Variants in WDFY2 observed in about 807,000 individuals in gnomAD.
WDFY2 encodes WD repeat and FYVE domain-containing protein 2.
Under a neutral mutation model 56.4 loss-of-function variants are expected in WDFY2, and 36 were observed. The ratio of observed to expected loss-of-function variants is 0.64; its 90% confidence interval spans 0.49 to 0.84. WDFY2 has a LOEUF of 0.84. WDFY2 is among the 40% of genes least tolerant of loss of function. WDFY2 has a pLI of 0.00. For missense variants in WDFY2, 444 were observed against 512.2 expected (o/e 0.87, Z 1.29); for synonymous variants, 176 against 183.7 (o/e 0.96, Z 0.34).
chr13:51,675,356 T>A, intron 3 of WDFY2, 113 bp downstream of exon 3: 1 of 982,102 alleles, frequency 1.0e-6, no homozygotes, highest in Non-Finnish European at 1.5e-6. Context: ...CTAAGTAGAA[T>A]GAAAATTGCA....
chr13:51,739,230 C>T lies in WDFY2; in HGVS notation c.725+55C>T, dbSNP rs117010351. Reference sequence around the variant, plus strand: ...CTGAGAAAAGATTCTCAGCTGACAGCTAGAACAAAGGAGTGCAGCCCAGTC... The same window carrying T: ...CTGAGAAAAGATTCTCAGCTGACAGTTAGAACAAAGGAGTGCAGCCCAGTC... On this transcript the variant is annotated intron_variant, in intron 7 of 11. Coordinates refer to ENST00000298125, the MANE Select transcript of WDFY2 (RefSeq NM_052950.4). The T allele has an allele frequency of 3.5e-3, 5,314 of 1,522,868 alleles. 52 individuals carry two copies. The Admixed American group carries it at 0.036, about 10-fold the overall frequency. The allele number at this position is 1,522,868 out of a possible 1,614,324, so 94.3% of individuals were successfully genotyped here.
At chr13:51,592,322 C>T (rs1316269771) in intron 1 of WDFY2, 1 of 152,098 alleles carries the variant, frequency 6.6e-6, no homozygotes, top group Non-Finnish European at 1.5e-5. Flanking sequence ...CGCCTGTAAT[C>T]CCAGCACTTT....
chr13:51,696,890 T>G (rs1031920901), intron 3 of WDFY2, among the ~76,000 whole-genome samples: 1 of 152,174 alleles, frequency 6.6e-6, no homozygotes, highest in Non-Finnish European at 1.5e-5. Context: ...TTAAATACAG[T>G]TTTTTAAAAG....
chr13:51,678,830 A>G (rs1488881992), intron 3 of WDFY2, among the ~76,000 whole-genome samples: 2 of 152,210 alleles, frequency 1.3e-5, no homozygotes, highest in Non-Finnish European at 2.9e-5. Context: ...AAGTACCGGT[A>G]CACCAATGAG....
intron 1 of WDFY2, among the ~76,000 whole-genome samples, chr13:51,642,402 C>A (rs1490190857): frequency 2.0e-5 from 3 of 151,986 alleles, no homozygotes; most frequent in African/African-American, 7.2e-5. Context: ...ATCCTCCCAC[C>A]CCAGCCTCCA....
At position 51,660,613 on chromosome 13, in the gene WDFY2, TAAAG is replaced by T. The variant is rs745934391; in HGVS notation, c.157_160del (p.Lys53GlufsTer32). ...TGTTGTAGGACAGTTCGTGTTTGGT[TAAAG>T]AGAGACAGTGGACAGTATTGGCCAA... On this transcript the variant is annotated frameshift_variant, in exon 2 of 12. Transcript: ENST00000298125. LOFTEE classifies it high-confidence loss of function. 1.2e-5 allele frequency: 20 copies of T among 1,613,860 alleles called. No homozygotes were observed. The South Asian group carries it at 2.2e-4, about 18-fold the overall frequency.
At position 51,584,639 on chromosome 13, in the gene WDFY2, G is replaced by A. The variant is rs540108401; in HGVS notation, c.-49G>A. ...GTGCTCCAGCAGTCTCCTCAGCCCGGCCCCGCGGCGCGGTTGGCGGCGGCG... is the reference window on the plus strand; with the variant it reads ...GTGCTCCAGCAGTCTCCTCAGCCCGACCCCGCGGCGCGGTTGGCGGCGGCG... On this transcript the variant is annotated 5_prime_UTR_variant, in exon 1 of 12. Coordinates refer to ENST00000298125, the MANE Select transcript of WDFY2 (RefSeq NM_052950.4). The A allele has an allele frequency of 1.1e-5, 18 of 1,580,132 alleles. No homozygotes were observed. In the African/African-American group the frequency reaches 2.3e-4, roughly 20 times the overall value.
At chr13:51,726,270 A>G (rs1240972468) in intron 5 of WDFY2, among the ~76,000 whole-genome samples, 1 of 152,222 alleles carries the variant, frequency 6.6e-6, no homozygotes, top group Non-Finnish European at 1.5e-5. Context: ...GTGTCTGTGT[A>G]TAAAGATCTC....
intron 1 of WDFY2, among the ~76,000 whole-genome samples, chr13:51,632,165 TC>T (rs1287767942): frequency 1.3e-5 from 2 of 152,140 alleles, no homozygotes; most frequent in Non-Finnish European, 2.9e-5. Context: ...AACCCAGTGT[TC>T]ATCTCATTCA....
chr13:51,697,231 A>G (rs776077857), intron 3 of WDFY2, among the ~76,000 whole-genome samples: 6 of 152,234 alleles, frequency 3.9e-5, no homozygotes, highest in Non-Finnish European at 7.3e-5. Flanking sequence ...CCTTTATGTC[A>G]ATAGTTTTGT....
At chr13:51,633,349 A>C (rs1453308001) in intron 1 of WDFY2, among the ~76,000 whole-genome samples, 1 of 152,198 alleles carries the variant, frequency 6.6e-6, no homozygotes, top group East Asian at 1.9e-4. Flanking sequence ...TTTGTGTTCC[A>C]ATCTTGGTTG....
At chr13:51,718,567 C>CAT (rs1450477095) in intron 4 of WDFY2, among the ~76,000 whole-genome samples, 1 of 143,730 alleles carries the variant, frequency 7.0e-6, no homozygotes, top group Non-Finnish European at 1.5e-5. Flanking sequence ...CATACACACA[C>CAT]ACACACACAC....
At chr13:51,710,496 T>C (rs1344849982) in intron 4 of WDFY2, among the ~76,000 whole-genome samples, 5 of 152,146 alleles carry the variant, frequency 3.3e-5, no homozygotes, top group Admixed American at 6.6e-5. Context: ...GGAAGTCAAA[T>C]TGTCTGTGTT....
At chr13:51,750,405 T>G (rs1004504052) in intron 7 of WDFY2, among the ~76,000 whole-genome samples, 2 of 152,154 alleles carry the variant, frequency 1.3e-5, no homozygotes, top group African/African-American at 2.4e-5. Context: ...AGCTTTAGTT[T>G]TTCAACTTCA....
At chr13:51,596,074 A>G (rs958420597) in intron 1 of WDFY2, among the ~76,000 whole-genome samples, 5 of 152,224 alleles carry the variant, frequency 3.3e-5, no homozygotes, top group African/African-American at 1.2e-4. Flanking sequence ...TTGCTGTTAG[A>G]ATCTCAGTAA....
intron 1 of WDFY2, among the ~76,000 whole-genome samples, chr13:51,632,130 T>TG (rs1181097004): frequency 6.6e-6 from 1 of 152,148 alleles, no homozygotes; most frequent in Non-Finnish European, 1.5e-5. Flanking sequence ...CCATTGTCTT[T>TG]TAACACTTAG....
chr13:51,758,316 A>ACC lies in WDFY2; in HGVS notation c.1173+16_1173+17insCC. 6.4e-7 allele frequency: 1 copy of ACC among 1,552,660 alleles called. No individual in the cohort carries two copies. The highest frequency in any genetic ancestry group is 8.8e-7 in the Non-Finnish European group (1 of 1,130,482). On this transcript the variant is annotated intron_variant, in intron 11 of 11. Coordinates refer to ENST00000298125, the MANE Select transcript of WDFY2 (RefSeq NM_052950.4). Reference sequence around the variant, plus strand: ...GGTTATTAAGGTAAGATGCCATCTTATTAAGAAGCTTTCCATCTTTGGCCT... The same window carrying ACC: ...GGTTATTAAGGTAAGATGCCATCTTACCTTAAGAAGCTTTCCATCTTTGGCCT...
rs1952635214 is a variant in WDFY2, at chr13:51,727,714, C to T, written c.522C>T (p.Asp174=). The change falls in exon 6 of 12, where the codon GAC becomes GAT. Residue 174 remains aspartate (D), a synonymous_variant. Transcript: ENST00000298125. ...DVETRHVFIG[D]HSGQVTILKL... is the part of the protein sequence containing the mutation. ...AAACCCGGCATGTGTTTATCGGTGA[C>T]CACTCAGGCCAAGTAACAATCCTCA... 6.2e-7 allele frequency: 1 copy of T among 1,614,046 alleles called. No individual in the cohort carries two copies. Among genetic ancestry groups the T allele is most frequent in the Non-Finnish European group, 8.5e-7 (1 of 1,180,014 alleles).
intron 6 of WDFY2, among the ~76,000 whole-genome samples, chr13:51,734,133 T>A (rs2092756190): frequency 6.6e-6 from 1 of 152,156 alleles, no homozygotes; most frequent in Non-Finnish European, 1.5e-5. Context: ...AGTTACCAGA[T>A]CACACTCTGG....
Sources: allele counts gnomAD v4.1 joint callset (sites outside exome capture counted in the v4.1 genomes callset), GRCh38; gene constraint gnomAD v4.1.1; transcripts MANE v1.5; gene names NCBI Gene and HGNC (gene_info 2026-07-23, HGNC 2026-07-21).